SPON1: variants seen among roughly 807,000 people sequenced by gnomAD.
The protein encoded by SPON1 is spondin-1.
Under a neutral mutation model 111.7 loss-of-function variants are expected in SPON1, and 52 were observed. The ratio of observed to expected loss-of-function variants is 0.47; its 90% confidence interval spans 0.37 to 0.59. The LOEUF (loss-of-function observed/expected upper bound fraction) is 0.59. Ranked by LOEUF, SPON1 falls within the 20% of genes least tolerant of loss-of-function variation. The pLI is 0.00. For synonymous variants in SPON1, 410 were observed against 395.8 expected, an observed-to-expected ratio of 1.04 and a Z score of -0.43; for missense variants, 957 against 1,068.5, an observed-to-expected ratio of 0.90 and a Z score of 1.46.
At chr11:14,090,917 C>T (rs1272720040) in intron 5 of SPON1, among the ~76,000 whole-genome samples, 2 of 145,946 alleles carry the variant, frequency 1.4e-5, no homozygotes, top group Non-Finnish European at 1.5e-5. Context: ...TTTACAACCC[C>T]TGAGCTAGAT....
chr11:14,152,259 C>T (rs1481610831), intron 6 of SPON1, among the ~76,000 whole-genome samples: 1 of 152,144 alleles, frequency 6.6e-6, no homozygotes, highest in Non-Finnish European at 1.5e-5. Flanking sequence ...GCCATTTTAC[C>T]TCCTTTGTCT....
intron 2 of SPON1, among the ~76,000 whole-genome samples, chr11:14,023,500 A>G (rs1848495296): frequency 6.6e-6 from 1 of 152,220 alleles, no homozygotes; most frequent in Admixed American, 6.5e-5. Flanking sequence ...CTACAACTAT[A>G]TCAACAAAGT....
chr11:13,993,196 C>T (rs986594524), intron 2 of SPON1, among the ~76,000 whole-genome samples: 3 of 151,936 alleles, frequency 2.0e-5, no homozygotes, highest in Non-Finnish European at 4.4e-5. Flanking sequence ...GACTTAGTGG[C>T]GAGGGAATGG....
At chr11:14,047,307 T>C (rs568330521) in intron 3 of SPON1, among the ~76,000 whole-genome samples, 1 of 152,320 alleles carries the variant, frequency 6.6e-6, no homozygotes, top group East Asian at 1.9e-4. Flanking sequence ...AATCAGTGCC[T>C]TTAATCAAGT....
chr11:14,182,639 T>C (rs1848246188), intron 6 of SPON1, among the ~76,000 whole-genome samples: 1 of 152,144 alleles, frequency 6.6e-6, no homozygotes, highest in Non-Finnish European at 1.5e-5. Context: ...AAATGGGAGC[T>C]AAAATCGAGT....
chr11:14,030,383 A>G (rs545107487), intron 2 of SPON1, among the ~76,000 whole-genome samples: 2 of 152,238 alleles, frequency 1.3e-5, no homozygotes, highest in African/African-American at 4.8e-5. Flanking sequence ...GAGAAATGCA[A>G]TCTGGTGTTT....
chr11:14,190,478 C>T (rs1230559098), intron 6 of SPON1, among the ~76,000 whole-genome samples: 2 of 151,282 alleles, frequency 1.3e-5, no homozygotes, highest in Non-Finnish European at 3.0e-5. Flanking sequence ...CCTCCTTCTT[C>T]CTTCCTTCCT....
intron 2 of SPON1, among the ~76,000 whole-genome samples, chr11:14,032,360 G>A (rs1426027578): frequency 6.6e-6 from 1 of 152,160 alleles, no homozygotes; most frequent in African/African-American, 2.4e-5. Flanking sequence ...ACAAATATCT[G>A]TATGGAGTAA....
At chr11:14,206,450 C>T (rs10832233) in intron 6 of SPON1, among the ~76,000 whole-genome samples, 22,352 of 152,160 alleles carry the variant, frequency 0.15, 1,742 homozygotes, top group South Asian at 0.23. Context: ...CTCAGCCTCC[C>T]ATGGTTACCT....
chr11:14,267,700 G>C lies in SPON1; in HGVS notation c.*2013G>C, dbSNP rs1849287722. The C allele has an allele frequency of 6.6e-6, 1 of 152,142 alleles. No homozygotes were observed. Among genetic ancestry groups the C allele is most frequent in the South Asian group, 2.1e-4 (1 of 4,826 alleles). The allele number at this position is 152,142 out of a possible 1,614,324, so 9.4% of individuals were successfully genotyped here. A position where few individuals can be genotyped will look rare whatever the true frequency, so the allele number is the denominator to read the frequency against. On this transcript the variant is annotated 3_prime_UTR_variant, in exon 16 of 16. Coordinates refer to ENST00000576479, the MANE Select transcript of SPON1 (RefSeq NM_006108.4). ...GATTGTTATTTTTTGTTTGCAATGG[G>C]GAATTTATAAGAAGCATCAAGTCTC...
intron 13 of SPON1, among the ~76,000 whole-genome samples, chr11:14,260,371 G>C (rs986465454): frequency 1.3e-5 from 2 of 152,098 alleles, no homozygotes; most frequent in African/African-American, 4.8e-5. Flanking sequence ...CCATCGGGGG[G>C]GGTCAGCAGG....
intron 3 of SPON1, among the ~76,000 whole-genome samples, chr11:14,062,351 G>A (rs1436986399): frequency 6.6e-6 from 1 of 152,154 alleles, no homozygotes; most frequent in Non-Finnish European, 1.5e-5. Flanking sequence ...TCCAAAGCAT[G>A]TTACATAAAT....
intron 3 of SPON1, among the ~76,000 whole-genome samples, chr11:14,054,566 C>CTTT (rs35043771): frequency 2.0e-5 from 3 of 148,168 alleles, no homozygotes; most frequent in Non-Finnish European, 4.5e-5. Context: ...GTTTTCTTTT[C>CTTT]TTTTTTTTTT....
chr11:14,078,516 A>C (rs578228343), intron 4 of SPON1, among the ~76,000 whole-genome samples: 2 of 152,166 alleles, frequency 1.3e-5, no homozygotes, highest in African/African-American at 4.8e-5. Flanking sequence ...ACAATAAAAA[A>C]GTTTTCTCTC....
At chr11:14,142,412 C>T (rs1455423569) in intron 6 of SPON1, among the ~76,000 whole-genome samples, 2 of 152,212 alleles carry the variant, frequency 1.3e-5, no homozygotes, top group Admixed American at 1.3e-4. Flanking sequence ...ACTGCCCAAG[C>T]CTGCCCCTCC....
chr11:14,168,903 G>T (rs1848065134), intron 6 of SPON1, among the ~76,000 whole-genome samples: 3 of 152,034 alleles, frequency 2.0e-5, no homozygotes. Context: ...GTCTATCATT[G>T]TTGAACATTT....
At chr11:14,216,089 A>G (rs1186928063) in intron 6 of SPON1, among the ~76,000 whole-genome samples, 4 of 152,214 alleles carry the variant, frequency 2.6e-5, no homozygotes, top group South Asian at 2.1e-4. Flanking sequence ...TATCAAATGT[A>G]TAGTTTGAAG....
At chr11:14,167,183 T>A (rs1295926819) in intron 6 of SPON1, among the ~76,000 whole-genome samples, 1 of 152,152 alleles carries the variant, frequency 6.6e-6, no homozygotes, top group Non-Finnish European at 1.5e-5. Context: ...ATGCTTCCTG[T>A]ATAATTTTTG....
intron 6 of SPON1, among the ~76,000 whole-genome samples, chr11:14,232,591 G>C (rs1591420534): frequency 6.6e-6 from 1 of 152,086 alleles, no homozygotes. Flanking sequence ...CCCAGGTCTG[G>C]ATCTCACCTT....
Sources: gnomAD v4.1 joint callset for allele counts (sites outside exome capture counted in the v4.1 genomes callset) on GRCh38, gnomAD v4.1.1 for gene constraint, MANE v1.5 for transcripts, NCBI Gene and HGNC (gene_info 2026-07-23, HGNC 2026-07-21) for gene names.